Variants in RNMT observed in about 807,000 individuals in gnomAD.
RNMT encodes RNA guanine-7 methyltransferase.
Under a neutral mutation model 56.0 loss-of-function variants are expected in RNMT, and 27 were observed. The ratio of observed to expected loss-of-function variants is 0.48; its 90% CI spans 0.36 to 0.67. RNMT has a LOEUF of 0.67. Among genes scored for constraint, RNMT ranks in the 30% least tolerant of loss-of-function variants. The pLI is 0.00. For synonymous variants in RNMT, 184 were observed against 176.2 expected, an observed-to-expected ratio of 1.04 and a Z score of -0.35; for missense variants, 519 against 552.1, an observed-to-expected ratio of 0.94 and a Z score of 0.60.
Position 13,760,179 on chromosome 18 carries a change from G to T in RNMT, c.*200G>T. 2.4e-6 allele frequency: 3 copies of T among 1,272,932 alleles called. No individual in the cohort carries two copies. The highest frequency in any genetic ancestry group is 3.1e-5 in the East Asian group (1 of 32,572). The allele number at this position is 1,272,932 out of a possible 1,614,324, so 78.9% of individuals were successfully genotyped here. ...TGCATGTGTATATAAGAATGAGTTG[G>T]GACCTCTGTCTTTAAAAATCTATTT... On this transcript the variant is annotated 3_prime_UTR_variant, in exon 12 of 12. Coordinates refer to ENST00000383314, the MANE Select transcript of RNMT (RefSeq NM_003799.3).
At chr18:13,738,981 T>C (rs1426985457) in intron 5 of RNMT, among the ~76,000 whole-genome samples, 1 of 152,218 alleles carries the variant, frequency 6.6e-6, no homozygotes. Flanking sequence ...CACCTCCTGC[T>C]GTGCAGCCTG....
intron 11 of RNMT, 77 bp downstream of exon 11, chr18:13,754,224 A>C: frequency 1.0e-6 from 1 of 1,001,550 alleles, no homozygotes. Context: ...ACCTGAAAAA[A>C]GGCTGGGCAC....
Position 13,730,682 on chromosome 18 carries a change from C to T in RNMT, c.-116C>T, listed in dbSNP as rs2044052171. 1 of 152,230 alleles carries T rather than the reference C, an allele frequency of 6.6e-6. No homozygotes were observed. The highest frequency in any genetic ancestry group is 6.5e-5 in the Admixed American group (1 of 15,286). The allele number at this position is 152,230 out of a possible 1,614,324, so 9.4% of individuals were successfully genotyped here. ...TTCAAGCCTCGAAATCAGATAGGCA[C>T]CACCAACCTCATTTCCTGTTTCACC... On this transcript the variant is annotated 5_prime_UTR_variant, in exon 2 of 12. Coordinates refer to ENST00000383314, the MANE Select transcript of RNMT (RefSeq NM_003799.3).
chr18:13,727,359 C>T (rs1355909991), intron 1 of RNMT, among the ~76,000 whole-genome samples: 1 of 152,204 alleles, frequency 6.6e-6, no homozygotes, highest in Admixed American at 6.5e-5. Flanking sequence ...CCATGTCAGT[C>T]GACCACCTTT....
intron 11 of RNMT, among the ~76,000 whole-genome samples, chr18:13,755,232 T>C (rs780709559): frequency 6.6e-6 from 1 of 152,336 alleles, no homozygotes. Context: ...GGCAAATTTT[T>C]AAGTGCTAAT....
chr18:13,741,536 C>T lies in RNMT; in HGVS notation c.819C>T (p.Asp273=). Residue 273 remains aspartate (D), a synonymous_variant, in exon 7 of 12, where the codon GAC becomes GAT. Coordinates refer to ENST00000383314, the MANE Select transcript of RNMT (RefSeq NM_003799.3). The stretch of plus-strand genomic sequence containing the variant: ...AACTTCTGATTGACAAATTTCGTGA[C>T]CCACAAATGTGTTTTGACATCTGCA... The part of the protein sequence containing the change: ...SKELLIDKFR[D]PQMCFDICSC... 1.2e-6 allele frequency: 2 copies of T among 1,611,724 alleles called. No homozygotes were observed. The highest frequency in any genetic ancestry group is 1.7e-6 in the Non-Finnish European group (2 of 1,179,044).
At chr18:13,746,422 A>G (rs1014411164) in intron 9 of RNMT, 85 bp downstream of exon 9, 5 of 791,456 alleles carry the variant, frequency 6.3e-6, no homozygotes, top group Middle Eastern at 2.3e-4. Context: ...CCATCTGAAC[A>G]TGAAATAGTT....
chr18:13,741,973 A>T (rs1297535813), intron 7 of RNMT, among the ~76,000 whole-genome samples: 1 of 152,210 alleles, frequency 6.6e-6, no homozygotes, highest in East Asian at 1.9e-4. Context: ...CTGTCATGAG[A>T]GTGATACCTA....
chr18:13,736,933 G>C, intron 4 of RNMT, 77 bp from the exon 5 acceptor site: 2 of 1,300,184 alleles, frequency 1.5e-6, no homozygotes, highest in Non-Finnish European at 2.2e-6. Context: ...AAGATAGTAG[G>C]TTATTAGAGG....
chr18:13,754,234 CTG>C (rs1453290723), intron 11 of RNMT, 87 bp downstream of exon 11: 2 of 844,218 alleles, frequency 2.4e-6, no homozygotes, highest in African/African-American at 3.4e-5. Flanking sequence ...AGGCTGGGCA[CTG>C]TGGCTCACAC....
In RNMT at chr18:13,763,178, A is replaced by G. The variant is rs1174799747; in HGVS notation, c.*3199A>G. On this transcript the variant is annotated 3_prime_UTR_variant, in exon 12 of 12. Coordinates refer to ENST00000383314, the MANE Select transcript of RNMT (RefSeq NM_003799.3). ...CTCCCTAGTTGCTGCTATATCAAAC[A>G]CTGCACACTTGACAAGTGTTTTCAT... The G allele has an allele frequency of 2.2e-6, 1 of 455,152 alleles. No individual in the cohort carries two copies. Among genetic ancestry groups the G allele is most frequent in the Non-Finnish European group, 4.4e-6 (1 of 226,434 alleles). 28.2% of individuals were successfully genotyped at this position (455,152 alleles called of 1,614,324 possible). A position where few individuals can be genotyped will look rare whatever the true frequency, so the allele number is the denominator to read the frequency against.
intron 1 of RNMT, 184 bp downstream of exon 1, chr18:13,726,913 C>G (rs1236361229): frequency 6.6e-6 from 1 of 152,400 alleles, no homozygotes; most frequent in Non-Finnish European, 1.5e-5. Context: ...ATGGGAACTC[C>G]TTGGGGTGGG....
chr18:13,743,803 T>A (rs142963645), intron 8 of RNMT, among the ~76,000 whole-genome samples: 4 of 151,730 alleles, frequency 2.6e-5, no homozygotes, highest in Admixed American at 6.6e-5. Flanking sequence ...GTCTGTAAAA[T>A]TAGGGTTACA....
At chr18:13,737,275 G>A (rs1183682405) in intron 5 of RNMT, 140 bp downstream of exon 5, 2 of 738,498 alleles carry the variant, frequency 2.7e-6, no homozygotes, top group Non-Finnish European at 4.2e-6. Flanking sequence ...TGACGCGGTG[G>A]CTCATGCCTG....
At chr18:13,731,992 A>C (rs1362649869) in intron 3 of RNMT, 58 bp downstream of exon 3, 1 of 1,364,752 alleles carries the variant, frequency 7.3e-7, no homozygotes, top group East Asian at 2.3e-5. Flanking sequence ...GAAATGTGGA[A>C]CACCCGTGGA....
intron 1 of RNMT, among the ~76,000 whole-genome samples, chr18:13,729,256 G>A (rs1234245231): frequency 6.6e-6 from 1 of 152,180 alleles, no homozygotes; most frequent in African/African-American, 2.4e-5. Flanking sequence ...CTGTAAACAT[G>A]ATGCTTGGTT....
At chr18:13,727,620 T>C (rs1346728262) in intron 1 of RNMT, among the ~76,000 whole-genome samples, 1 of 152,270 alleles carries the variant, frequency 6.6e-6, no homozygotes, top group Non-Finnish European at 1.5e-5. Context: ...ATTTTTCTTT[T>C]AGCTATTTTG....
intron 5 of RNMT, among the ~76,000 whole-genome samples, chr18:13,738,587 A>G (rs2044203797): frequency 6.6e-6 from 1 of 152,206 alleles, no homozygotes; most frequent in African/African-American, 2.4e-5. Flanking sequence ...AAAATCCATT[A>G]ATCTGTCTTG....
At position 13,746,307 on chromosome 18, in the gene RNMT, A is replaced by G; in HGVS notation, c.1227A>G (p.Lys409=). 6.4e-7 allele frequency: 1 copy of G among 1,565,318 alleles called. No individual in the cohort carries two copies. Among genetic ancestry groups the G allele is most frequent in the Non-Finnish European group, 8.7e-7 (1 of 1,148,944 alleles). Reference sequence around the variant, plus strand: ...AAAAGATTAAGAACAATGAAAATAAAATGCTCTTAAAACGAATGCAGGCCT... The same window carrying G: ...AAAAGATTAAGAACAATGAAAATAAGATGCTCTTAAAACGAATGCAGGCCT... The part of the protein sequence containing the change: ...YEEKIKNNEN[K]MLLKRMQALE... Residue 409 remains lysine (K), a synonymous_variant, in exon 9 of 12, where the codon AAA becomes AAG. Transcript: ENST00000383314.
Sources: allele counts gnomAD v4.1 joint callset (sites outside exome capture counted in the v4.1 genomes callset), GRCh38; gene constraint gnomAD v4.1.1; transcripts MANE v1.5; gene names NCBI Gene and HGNC (gene_info 2026-07-23, HGNC 2026-07-21).